The following MAF variants were observed in gnomAD, a reference collection of about 807,000 sequenced individuals.
MAF encodes MAF bZIP transcription factor.
In MAF, 10 loss-of-function variants were observed where a neutral mutation model predicts 22.0. That is an observed-to-expected ratio of 0.45 (90% confidence interval 0.28 to 0.77). The LOEUF (loss-of-function observed/expected upper bound fraction) is 0.77. MAF is among the 30% of genes least tolerant of loss of function. MAF has a pLI of 0.12. For missense variants in MAF, 544 were observed against 548.4 expected, an observed-to-expected ratio of 0.99 and a Z score of 0.08; for synonymous variants, 337 against 255.8, an observed-to-expected ratio of 1.32 and a Z score of -3.03.
chr16:79,538,091 C>T, the MAF span, among the ~76,000 whole-genome samples: 2 of 152,064 alleles, frequency 1.3e-5, no homozygotes, highest in East Asian at 3.9e-4. Context: ...AATTAAAAGG[C>T]ATTATTTTTC....
the MAF span, chr16:79,211,842 C>G: frequency 6.2e-7 from 1 of 1,611,376 alleles, no homozygotes; most frequent in South Asian, 1.1e-5. Context: ...CTGTGTGTGT[C>G]CCCTCACGCA....
chr16:79,212,004 C>T, the MAF span: 9 of 1,536,148 alleles, frequency 5.9e-6, no homozygotes, highest in South Asian at 2.4e-5. Context: ...TGGGGCTGGG[C>T]TAGGCATAGG....
chr16:79,238,261 A>T, the MAF span, among the ~76,000 whole-genome samples: 22 of 152,114 alleles, frequency 1.4e-4, no homozygotes, highest in Non-Finnish European at 2.9e-4. Flanking sequence ...TTTTCCCAGG[A>T]CCCAAGCTGT....
chr16:79,359,315 GC>G, the MAF span, among the ~76,000 whole-genome samples: 1 of 152,186 alleles, frequency 6.6e-6, no homozygotes, highest in African/African-American at 2.4e-5. Flanking sequence ...AGTTCCAGTA[GC>G]TTTTACAGAG....
chr16:79,356,986 G>C, the MAF span, among the ~76,000 whole-genome samples: 3 of 152,152 alleles, frequency 2.0e-5, no homozygotes, highest in Non-Finnish European at 4.4e-5. Context: ...ACCGGGGATG[G>C]TGGCTCATGC....
chr16:79,216,873 G>T, the MAF span, among the ~76,000 whole-genome samples: 5 of 150,550 alleles, frequency 3.3e-5, no homozygotes, highest in African/African-American at 1.2e-4. Flanking sequence ...GCAGCGGCAC[G>T]ATCTTTGCTC....
chr16:79,285,472 C>T, the MAF span, among the ~76,000 whole-genome samples: 2 of 152,136 alleles, frequency 1.3e-5, no homozygotes, highest in Admixed American at 1.3e-4. Flanking sequence ...AAATTTGGTC[C>T]CTGGACACCT....
the MAF span, among the ~76,000 whole-genome samples, chr16:79,211,034 A>AGTGTCTGT: frequency 1.3e-5 from 2 of 149,602 alleles, no homozygotes; most frequent in East Asian, 2.0e-4. Context: ...TATGGTGAGG[A>AGTGTCTGT]GTGTGTGTGT....
chr16:79,568,351 TG>T, the MAF span, among the ~76,000 whole-genome samples: 1 of 152,162 alleles, frequency 6.6e-6, no homozygotes, highest in African/African-American at 2.4e-5. Flanking sequence ...GCCCAGGTGT[TG>T]GAATCAGACA....
the MAF span, among the ~76,000 whole-genome samples, chr16:79,561,486 T>TC: frequency 7.5e-6 from 1 of 132,758 alleles, no homozygotes; most frequent in East Asian, 2.7e-4. Flanking sequence ...CCCAAAACAG[T>TC]CCCCGGTGTG....
At chr16:79,323,839 T>G in the MAF span, among the ~76,000 whole-genome samples, 1 of 152,312 alleles carries the variant, frequency 6.6e-6, no homozygotes, top group African/African-American at 2.4e-5. Flanking sequence ...GTAGAAGTGA[T>G]ATGACCTTGG....
chr16:79,441,944 G>C, the MAF span, among the ~76,000 whole-genome samples: 1 of 152,230 alleles, frequency 6.6e-6, no homozygotes, highest in African/African-American at 2.4e-5. Flanking sequence ...TGGACACAGA[G>C]AGGCACAGAG....
chr16:79,577,928 C>T, the MAF span, among the ~76,000 whole-genome samples: 2 of 152,088 alleles, frequency 1.3e-5, no homozygotes, highest in African/African-American at 2.4e-5. Flanking sequence ...AGAAACTGAG[C>T]TCTGGGTAAC....
the MAF span, among the ~76,000 whole-genome samples, chr16:79,352,056 G>T: frequency 6.6e-6 from 1 of 152,122 alleles, no homozygotes. Context: ...GCCCAGAAAG[G>T]ATCTGTCCAG....
chr16:79,376,769 G>A, the MAF span, among the ~76,000 whole-genome samples: 1,055 of 152,280 alleles, frequency 6.9e-3, 5 homozygotes, highest in Non-Finnish European at 0.012. Context: ...GTGAGAACAC[G>A]TGGTGTTTGT....
chr16:79,582,225 A>C (rs1597828815), downstream of MAF, among the ~76,000 whole-genome samples: 1 of 152,184 alleles, frequency 6.6e-6, no homozygotes, highest in Non-Finnish European at 1.5e-5. Context: ...GAGGAAATAA[A>C]AGATTCAGCA....
the MAF span, among the ~76,000 whole-genome samples, chr16:79,466,680 A>G: frequency 6.6e-6 from 1 of 152,230 alleles, no homozygotes; most frequent in African/African-American, 2.4e-5. Context: ...GTGATGCTTG[A>G]CAGCAAAAAC....
chr16:79,323,639 C>T, the MAF span, among the ~76,000 whole-genome samples: 8 of 152,142 alleles, frequency 5.3e-5, no homozygotes, highest in Non-Finnish European at 1.2e-4. Context: ...TACCTTGCGG[C>T]AAGCAGCTGG....
chr16:79,408,532 G>A, the MAF span, among the ~76,000 whole-genome samples: 109 of 152,128 alleles, frequency 7.2e-4, no homozygotes, highest in African/African-American at 2.4e-3. Flanking sequence ...GCTTAAGTTC[G>A]CTGCACCTCA....
Sources: allele counts gnomAD v4.1 joint callset (sites outside exome capture counted in the v4.1 genomes callset), GRCh38; gene constraint gnomAD v4.1.1; transcripts MANE v1.5; gene names NCBI Gene and HGNC (gene_info 2026-07-23, HGNC 2026-07-21).